TOR3A: variants seen among roughly 807,000 people sequenced by gnomAD.
The protein encoded by TOR3A is torsin family 3 member A.
In TOR3A, 44 loss-of-function variants were observed where a neutral mutation model predicts 42.1. The ratio of observed to expected loss-of-function variants is 1.04; its 90% CI spans 0.82 to 1.34. The LOEUF (loss-of-function observed/expected upper bound fraction) is 1.34, where lower values mean the gene tolerates loss of function less well. Ranked by LOEUF, TOR3A falls within the 40% of genes most tolerant of loss-of-function variation. The pLI, the probability that TOR3A is intolerant of heterozygous loss-of-function variation, is 0.00. For missense variants in TOR3A, 521 were observed against 507.6 expected (o/e 1.03, Z -0.25); for synonymous variants, 227 against 213.2 (o/e 1.06, Z -0.57).
chr1:179,089,377 T>C (rs1325981419), intron 4 of TOR3A, among the ~76,000 whole-genome samples: 4 of 150,340 alleles, frequency 2.7e-5, no homozygotes, highest in Admixed American at 2.6e-4. Context: ...GGGATTTCTG[T>C]GTAGTGGCGG....
At chr1:179,093,942 A>G in intron 4 of TOR3A, 151 bp from the exon 5 acceptor site, 1 of 960,542 alleles carries the variant, frequency 1.0e-6, no homozygotes, top group Admixed American at 2.8e-5. Context: ...TTGGGTTGTG[A>G]GGTTGTGACA....
Position 179,095,413 on chromosome 1 carries a change from G to GAT in TOR3A, c.*195_*196insAT. On this transcript the variant is annotated 3_prime_UTR_variant, in exon 6 of 6. Coordinates refer to ENST00000367627, the MANE Select transcript of TOR3A (RefSeq NM_022371.4). ...CAAGCCAATCCTTTTTCTTTTTTTTGGAGGTCCCACCGAGATAGATAGGAA... is the reference window on the plus strand; with the variant it reads ...CAAGCCAATCCTTTTTCTTTTTTTTGATGAGGTCCCACCGAGATAGATAGGAA... The GAT allele has an allele frequency of 1.1e-5, 15 of 1,366,566 alleles. No individual in the cohort carries two copies. The highest frequency in any genetic ancestry group is 3.8e-5 in the South Asian group (2 of 52,898). 84.7% of individuals were successfully genotyped at this position (1,366,566 alleles called of 1,614,324 possible). A position where few individuals can be genotyped will look rare whatever the true frequency, so the allele number is the denominator to read the frequency against.
At chr1:179,084,534 G>C (rs1652379257) in intron 2 of TOR3A, among the ~76,000 whole-genome samples, 1 of 152,066 alleles carries the variant, frequency 6.6e-6, no homozygotes, top group Non-Finnish European at 1.5e-5. Context: ...AGTTTCCTCA[G>C]CTTTAAATGG....
intron 4 of TOR3A, among the ~76,000 whole-genome samples, chr1:179,090,155 T>A (rs1216536914): frequency 6.6e-6 from 1 of 151,788 alleles, no homozygotes; most frequent in Non-Finnish European, 1.5e-5. Flanking sequence ...GACTCCTCCA[T>A]GCCACAGCAG....
In TOR3A at chr1:179,095,799, G is replaced by A. The variant is rs1572578995; in HGVS notation, c.*581G>A. 1 of 987,732 alleles carries A rather than the reference G, an allele frequency of 1.0e-6. No homozygotes were observed. Among genetic ancestry groups the A allele is most frequent in the Non-Finnish European group, 1.2e-6 (1 of 831,682 alleles). The allele number at this position is 987,732 out of a possible 1,614,324, so 61.2% of individuals were successfully genotyped here. On this transcript the variant is annotated 3_prime_UTR_variant, in exon 6 of 6. Transcript: ENST00000367627. ...GAAAGCCAAGCTGCTTCTGTTGTGAGCGAATCAGCCAAGAGCCTGAGGCTG... is the reference window on the plus strand; with the variant it reads ...GAAAGCCAAGCTGCTTCTGTTGTGAACGAATCAGCCAAGAGCCTGAGGCTG...
intron 4 of TOR3A, among the ~76,000 whole-genome samples, chr1:179,093,218 T>G (rs1652641837): frequency 6.6e-6 from 1 of 152,140 alleles, no homozygotes; most frequent in African/African-American, 2.4e-5. Context: ...GGCTCTACGG[T>G]TGCATCTTCT....
At position 179,088,040 on chromosome 1, in the gene TOR3A, CCT is replaced by C; in HGVS notation, c.770_771del (p.Pro257ArgfsTer6). The C allele has an allele frequency of 6.2e-7, 1 of 1,612,916 alleles. No homozygotes were observed. Among genetic ancestry groups the C allele is most frequent in the East Asian group, 2.2e-5 (1 of 44,814 alleles). On this transcript the variant is annotated frameshift_variant, in exon 4 of 6. Transcript: ENST00000367627. LOFTEE classifies it high-confidence loss of function. ...VLGPHLERRA[P>X]EGHRAESPWT... ...TGGGCCACACTTAGAACGCCGGGCCCCTGAGGGCCACAGGGCTGAGTCTCCAT... is the reference window on the plus strand; with the variant it reads ...TGGGCCACACTTAGAACGCCGGGCCCGAGGGCCACAGGGCTGAGTCTCCAT...
intron 4 of TOR3A, among the ~76,000 whole-genome samples, chr1:179,093,870 G>T (rs1490949110): frequency 6.6e-6 from 1 of 152,176 alleles, no homozygotes; most frequent in Admixed American, 6.5e-5. Flanking sequence ...GTAAGTGTGT[G>T]TCAAGAGGGA....
At position 179,095,137 on chromosome 1, in the gene TOR3A, G is replaced by A. The variant is rs763894285; in HGVS notation, c.1113G>A (p.Val371=). 6.2e-7 allele frequency: 1 copy of A among 1,614,186 alleles called. No homozygotes were observed. Among genetic ancestry groups the A allele is most frequent in the Non-Finnish European group, 8.5e-7 (1 of 1,180,042 alleles). ...TGGATGAAATAGCCCAGATGATGGT[G>A]TATGTCCCCAAGGAGGAACAACTCT... is the stretch of plus-strand genomic sequence containing the variant. ...ETLDEIAQMM[V]YVPKEEQLFS... The change falls in exon 6 of 6, where the codon GTG becomes GTA. Residue 371 remains valine (V), a synonymous_variant. Transcript: ENST00000367627.
intron 2 of TOR3A, among the ~76,000 whole-genome samples, chr1:179,084,540 A>C (rs1339434834): frequency 1.3e-5 from 2 of 152,130 alleles, no homozygotes; most frequent in Non-Finnish European, 2.9e-5. Flanking sequence ...CTCAGCTTTA[A>C]ATGGGAATAA....
chr1:179,082,410 C>A, intron 1 of TOR3A, 23 bp downstream of exon 1: 1 of 1,583,924 alleles, frequency 6.3e-7, no homozygotes, highest in Non-Finnish European at 8.6e-7. Context: ...CCCCACGGTC[C>A]GCCGTTCGCT....
At chr1:179,092,337 G>T (rs1167510697) in intron 4 of TOR3A, among the ~76,000 whole-genome samples, 1 of 152,200 alleles carries the variant, frequency 6.6e-6, no homozygotes, top group Non-Finnish European at 1.5e-5. Context: ...GCTGGGTAAG[G>T]AGGGAAAGAG....
chr1:179,094,886 C>CAACA, intron 5 of TOR3A, 82 bp from the exon 6 acceptor site: 1 of 1,413,206 alleles, frequency 7.1e-7, no homozygotes, highest in Non-Finnish European at 9.9e-7. Flanking sequence ...TCAAAGAAAC[C>CAACA]AACAGCAACC....
intron 5 of TOR3A, 152 bp downstream of exon 5, chr1:179,094,369 C>A: frequency 2.9e-6 from 3 of 1,029,666 alleles, no homozygotes; most frequent in South Asian, 2.0e-5. Flanking sequence ...TGGGTGGGCA[C>A]AAGAAAAGTG....
Position 179,094,134 on chromosome 1 carries a change from T to C in TOR3A, c.860T>C (p.Leu287Ser). 2 of 1,614,090 alleles carry C rather than the reference T, an allele frequency of 1.2e-6. No homozygotes were observed. The change falls in exon 5 of 6, where the codon TTG becomes TCG. Residue 287 changes from leucine (L) to serine (S), a missense_variant. Transcript: ENST00000367627. ...GDIINEVVLK[L>S]LKAGWSREEI... Reference sequence around the variant, plus strand: ...ATAATCAATGAGGTGGTCCTAAAGTTGCTCAAGGCTGGATGGTCCCGGGAA... The same window carrying C: ...ATAATCAATGAGGTGGTCCTAAAGTCGCTCAAGGCTGGATGGTCCCGGGAA...
intron 3 of TOR3A, 38 bp from the exon 4 acceptor site, chr1:179,087,873 G>A (rs770459443): frequency 8.6e-6 from 13 of 1,509,174 alleles, no homozygotes; most frequent in Middle Eastern, 2.1e-4. Flanking sequence ...GGTGGAAGGA[G>A]TCACCACTTC....
chr1:179,082,418 G>A, intron 1 of TOR3A, 31 bp downstream of exon 1: 2 of 1,575,370 alleles, frequency 1.3e-6, no homozygotes, highest in East Asian at 4.6e-5. Flanking sequence ...TCCGCCGTTC[G>A]CTGCGGAGCA....
Position 179,083,064 on chromosome 1 carries a change from G to T in TOR3A, c.373+11G>T. On this transcript the variant is annotated intron_variant, in intron 2 of 5. Coordinates refer to ENST00000367627, the MANE Select transcript of TOR3A (RefSeq NM_022371.4). ...CCAACAACTTTACAGGTTGGACCCC[G>T]CATGGCTTCAAGGGGCTAGGGATCT... 6.8e-7 allele frequency: 1 copy of T among 1,479,552 alleles called. No homozygotes were observed. The highest frequency in any genetic ancestry group is 1.4e-5 in the South Asian group (1 of 72,866). 91.7% of individuals were successfully genotyped at this position (1,479,552 alleles called of 1,614,324 possible). A position where few individuals can be genotyped will look rare whatever the true frequency, so the allele number is the denominator to read the frequency against.
intron 4 of TOR3A, 129 bp from the exon 5 acceptor site, chr1:179,093,964 A>G (rs1424524481): frequency 8.3e-6 from 10 of 1,209,414 alleles, no homozygotes; most frequent in Middle Eastern, 2.5e-4. Context: ...GGTCTCCTGG[A>G]AGAGAGAGAA....
Sources: allele counts gnomAD v4.1 joint callset (sites outside exome capture counted in the v4.1 genomes callset), GRCh38; gene constraint gnomAD v4.1.1; transcripts MANE v1.5; gene names NCBI Gene and HGNC (gene_info 2026-07-23, HGNC 2026-07-21).